Variants in TMEM45B observed in about 807,000 individuals in gnomAD.
TMEM45B encodes transmembrane protein 45B.
Under a neutral mutation model 27.3 loss-of-function variants are expected in TMEM45B, and 29 were observed. The observed-to-expected ratio is 1.06, with a 90% CI of 0.79 to 1.45. The LOEUF (loss-of-function observed/expected upper bound fraction) is 1.45, where lower values mean the gene tolerates loss of function less well. TMEM45B is among the 40% of genes most tolerant of loss of function. The pLI is 0.00. For missense variants in TMEM45B, 348 were observed against 343.9 expected (o/e 1.01, Z -0.09); for synonymous variants, 143 against 134.7 (o/e 1.06, Z -0.43).
chr11:129,845,031 GAA>G (rs1947739995), intron 1 of TMEM45B, among the ~76,000 whole-genome samples: 1 of 151,960 alleles, frequency 6.6e-6, no homozygotes, highest in Non-Finnish European at 1.5e-5. Context: ...AAATATCAAA[GAA>G]TATATATATA....
chr11:129,856,071 A>G (rs758297082), intron 4 of TMEM45B, among the ~76,000 whole-genome samples, 179 bp downstream of exon 4: 2 of 152,162 alleles, frequency 1.3e-5, no homozygotes, highest in Non-Finnish European at 2.9e-5. Context: ...AGTTTTATCC[A>G]TTAACATCCA....
chr11:129,837,585 C>CTTTTTTTTTTTTTTTTTT (rs200040338), intron 1 of TMEM45B, among the ~76,000 whole-genome samples: 2,019 of 80,114 alleles, frequency 0.025, 432 homozygotes, highest in Non-Finnish European at 0.04. Context: ...CTGCACTGGG[C>CTTTTTTTTTTTTTTTTTT]TTTTTTTTTT....
Position 129,815,901 on chromosome 11 carries a change from C to T in TMEM45B, c.-9+3C>T. The T allele has an allele frequency of 7.8e-7, 1 of 1,282,696 alleles. No individual in the cohort carries two copies. Among genetic ancestry groups the T allele is most frequent in the Non-Finnish European group, 9.8e-7 (1 of 1,020,952 alleles). The allele number at this position is 1,282,696 out of a possible 1,614,324, so 79.5% of individuals were successfully genotyped here. On this transcript the variant is annotated splice_donor_region_variant and intron_variant, in intron 1 of 5. Coordinates refer to ENST00000281441, the MANE Select transcript of TMEM45B (RefSeq NM_138788.5). ...CGGCTGCGAGGCGCTGGGCACAGGT[C>T]AGACGTCCGTACCCGCAGGGGGCTC...
In TMEM45B at chr11:129,826,567, A is replaced by T. The variant is rs74658033; in HGVS notation, c.-9+10669A>T. On this transcript the variant is annotated intron_variant, in intron 1 of 5. Transcript: ENST00000281441. Reference sequence around the variant, plus strand: ...CTGTCACAAAAAAAAAAAAAAAAAAAAGGACCCTGAGAGGCTATGTGTCTT... The same window carrying T: ...CTGTCACAAAAAAAAAAAAAAAAAATAGGACCCTGAGAGGCTATGTGTCTT... Among the ~76,000 whole-genome samples, 722 of 96,046 alleles carry T rather than the reference A, an allele frequency of 7.5e-3. 89 individuals are homozygous for T. The highest frequency in any genetic ancestry group is 0.057 in the Admixed American group (434 of 7,618). The allele number at this position is 96,046 out of a possible 152,430, so 63.0% of individuals were successfully genotyped here.
intron 1 of TMEM45B, among the ~76,000 whole-genome samples, chr11:129,838,500 G>T (rs1298398270): frequency 6.6e-6 from 1 of 152,118 alleles, no homozygotes; most frequent in African/African-American, 2.4e-5. Context: ...TTTCGCTCTT[G>T]TCGCTCTTCT....
intron 1 of TMEM45B, among the ~76,000 whole-genome samples, chr11:129,846,225 T>G (rs562177133): frequency 6.6e-6 from 1 of 152,288 alleles, no homozygotes; most frequent in African/African-American, 2.4e-5. Flanking sequence ...CCCAGCATGT[T>G]GGGAGGTCAA....
In TMEM45B at chr11:129,859,427, G is replaced by A. The variant is rs974960770; in HGVS notation, c.*742G>A. 4.7e-4 allele frequency: 71 copies of A among 152,180 alleles called. No homozygotes were observed. Among genetic ancestry groups the A allele is most frequent in the Middle Eastern group, 3.4e-3 (1 of 292 alleles). 9.4% of individuals were successfully genotyped at this position (152,180 alleles called of 1,614,324 possible). On this transcript the variant is annotated 3_prime_UTR_variant, in exon 6 of 6. Transcript: ENST00000281441. ...TGTATAATGAGATAGAAAAACGTCA[G>A]GTATGGAAGGCTTTCAGTTTTAATA... is the stretch of plus-strand genomic sequence containing the variant.
At chr11:129,857,040 A>C (rs1184143434) in intron 4 of TMEM45B, among the ~76,000 whole-genome samples, 1 of 151,228 alleles carries the variant, frequency 6.6e-6, no homozygotes, top group Non-Finnish European at 1.5e-5. Context: ...TTTTAGTAGA[A>C]ACAGGGTTTC....
At chr11:129,832,065 C>CAAAAAAAA (rs57336005) in intron 1 of TMEM45B, among the ~76,000 whole-genome samples, 4 of 58,608 alleles carry the variant, frequency 6.8e-5, no homozygotes, top group Non-Finnish European at 8.5e-5. Context: ...GATTCCATCT[C>CAAAAAAAA]AAAAAAAAAA....
At chr11:129,820,598 G>T (rs1947407173) in intron 1 of TMEM45B, among the ~76,000 whole-genome samples, 1 of 152,190 alleles carries the variant, frequency 6.6e-6, no homozygotes, top group South Asian at 2.1e-4. Context: ...TCTCCATTAT[G>T]GACGGGCACG....
chr11:129,833,131 T>G (rs1489052615), intron 1 of TMEM45B, among the ~76,000 whole-genome samples: 1 of 151,712 alleles, frequency 6.6e-6, no homozygotes, highest in East Asian at 1.9e-4. Context: ...TCCCAGCTAC[T>G]TGGGAGGCTG....
intron 1 of TMEM45B, 78 bp from the exon 2 acceptor site, chr11:129,852,397 G>A (rs879053852): frequency 1.5e-5 from 19 of 1,297,798 alleles, no homozygotes; most frequent in Non-Finnish European, 1.9e-5. Context: ...TCTCAGGCAC[G>A]TATTGTGTTT....
chr11:129,817,348 C>T (rs1402408805), intron 1 of TMEM45B, among the ~76,000 whole-genome samples: 2 of 152,172 alleles, frequency 1.3e-5, no homozygotes, highest in South Asian at 2.1e-4. Context: ...TCAGACTTAG[C>T]TCTTTGTGAC....
chr11:129,832,567 C>T (rs1947562949), intron 1 of TMEM45B, among the ~76,000 whole-genome samples: 1 of 149,686 alleles, frequency 6.7e-6, no homozygotes, highest in African/African-American at 2.5e-5. Flanking sequence ...CGGGAATGAC[C>T]ATCAATTTGT....
intron 1 of TMEM45B, among the ~76,000 whole-genome samples, chr11:129,848,040 G>T (rs1263878849): frequency 2.6e-5 from 4 of 151,542 alleles, no homozygotes; most frequent in African/African-American, 9.7e-5. Flanking sequence ...AGACTGGGCA[G>T]CCAGGCAGAG....
At chr11:129,858,143 TACC>T (rs2135617612) in intron 5 of TMEM45B, among the ~76,000 whole-genome samples, 1 of 152,330 alleles carries the variant, frequency 6.6e-6, no homozygotes, top group African/African-American at 2.4e-5. Context: ...CAAATGGTAT[TACC>T]AGTTCTATTT....
intron 3 of TMEM45B, among the ~76,000 whole-genome samples, chr11:129,855,087 C>T (rs1305165058): frequency 6.6e-6 from 1 of 152,196 alleles, no homozygotes; most frequent in East Asian, 1.9e-4. Flanking sequence ...CGCCTTCCCA[C>T]TGCCGCCAGC....
rs746418654 is a variant in TMEM45B, at chr11:129,854,802, C to T, written c.371C>T (p.Ala124Val). ...LGVDRLVMAVAVFMEGFLFYY... is the reference protein window; with the variant it reads ...LGVDRLVMAVVVFMEGFLFYY... ...GTGGACAGACTGGTTATGGCTGTGG[C>T]AGTATTCATGGAAGGTAATTTTGTG... Residue 124 changes from alanine to valine, a missense_variant, in exon 3 of 6, where the codon GCA becomes GTA. Coordinates refer to ENST00000281441, the MANE Select transcript of TMEM45B (RefSeq NM_138788.5). The T allele has an allele frequency of 2.5e-6, 4 of 1,613,504 alleles. No homozygotes were observed. The highest frequency in any genetic ancestry group is 1.7e-5 in the Admixed American group (1 of 60,018).
intron 1 of TMEM45B, among the ~76,000 whole-genome samples, chr11:129,823,960 TC>T (rs1947450458): frequency 2.6e-5 from 4 of 152,220 alleles, no homozygotes; most frequent in Admixed American, 1.3e-4. Flanking sequence ...GTTCTAATGG[TC>T]ATTTTTCTGC....
Sources: allele counts gnomAD v4.1 joint callset (sites outside exome capture counted in the v4.1 genomes callset), GRCh38; gene constraint gnomAD v4.1.1; transcripts MANE v1.5; gene names NCBI Gene and HGNC (gene_info 2026-07-23, HGNC 2026-07-21).